NR3C2: variants seen among roughly 807,000 people sequenced by gnomAD.
NR3C2 encodes mineralocorticoid receptor.
NR3C2 carries 15 observed loss-of-function variants against 86.4 expected under a neutral mutation model. The observed-to-expected ratio is 0.17, with a 90% CI of 0.12 to 0.27. NR3C2 has a LOEUF of 0.27. NR3C2 is among the 10% of genes least tolerant of loss of function. NR3C2 has a pLI of 1.00. For missense variants in NR3C2, 960 were observed against 1,195.6 expected (o/e 0.80, Z 2.91); for synonymous variants, 458 against 450.5 (o/e 1.02, Z -0.21).
chr4:148,091,246 CGAG>C (rs1011108907), intron 8 of NR3C2, among the ~76,000 whole-genome samples: 2 of 152,206 alleles, frequency 1.3e-5, no homozygotes, highest in Non-Finnish European at 2.9e-5. Context: ...AGTCACTGGG[CGAG>C]GAGAACATGA....
intron 2 of NR3C2, among the ~76,000 whole-genome samples, chr4:148,367,980 C>G (rs1746234746): frequency 6.6e-6 from 1 of 152,016 alleles, no homozygotes. Context: ...TGCTGTATTT[C>G]CTCTACAACC....
chr4:148,104,344 T>TTGGG (rs1419893962), intron 8 of NR3C2, among the ~76,000 whole-genome samples: 1 of 128,312 alleles, frequency 7.8e-6, no homozygotes, highest in African/African-American at 4.0e-5. Flanking sequence ...TTGGTTTGGT[T>TTGGG]TTTTTTTTTT....
intron 2 of NR3C2, among the ~76,000 whole-genome samples, chr4:148,300,820 C>A (rs1240897618): frequency 6.6e-6 from 1 of 152,178 alleles, no homozygotes; most frequent in Non-Finnish European, 1.5e-5. Flanking sequence ...AATCCACCCA[C>A]CTTGGCCTCC....
At position 148,081,264 on chromosome 4, in the gene NR3C2, A is replaced by G. The variant is rs992285618; in HGVS notation, c.*80T>C. 1.3e-5 allele frequency: 21 copies of G among 1,574,544 alleles called. No individual in the cohort carries two copies. The African/African-American group carries it at 2.2e-4, about 16-fold the overall frequency. On this transcript the variant is annotated 3_prime_UTR_variant, in exon 9 of 9. Transcript: ENST00000358102. Reference sequence around the variant, plus strand: ...AGTGTGAATCAACCATCACATGTTAAAAACAGGTTTTCTTGGGTCCTTCTG... The same window carrying G: ...AGTGTGAATCAACCATCACATGTTAGAAACAGGTTTTCTTGGGTCCTTCTG...
At chr4:148,089,476 T>TA (rs1415737225) in intron 8 of NR3C2, among the ~76,000 whole-genome samples, 1 of 152,226 alleles carries the variant, frequency 6.6e-6, no homozygotes, top group African/African-American at 2.4e-5. Flanking sequence ...AGCAAGTTAT[T>TA]AAAGATGGGG....
At chr4:148,430,677 C>T (rs753479611) in intron 2 of NR3C2, among the ~76,000 whole-genome samples, 1 of 151,888 alleles carries the variant, frequency 6.6e-6, no homozygotes, top group African/African-American at 2.4e-5. Context: ...CCAATACACT[C>T]TCTCTCTCTC....
intron 3 of NR3C2, among the ~76,000 whole-genome samples, chr4:148,195,435 A>G (rs1178118441): frequency 6.6e-6 from 1 of 152,274 alleles, no homozygotes; most frequent in Non-Finnish European, 1.5e-5. Flanking sequence ...GTATTTATTC[A>G]AAAATATTTA....
intron 8 of NR3C2, among the ~76,000 whole-genome samples, chr4:148,113,313 A>C (rs1732126928): frequency 6.6e-6 from 1 of 152,204 alleles, no homozygotes; most frequent in Non-Finnish European, 1.5e-5. Flanking sequence ...ATGTTTTTGA[A>C]AGATTGGGTT....
intron 4 of NR3C2, among the ~76,000 whole-genome samples, chr4:148,181,909 A>T (rs953447700): frequency 6.6e-6 from 1 of 152,202 alleles, no homozygotes; most frequent in Non-Finnish European, 1.5e-5. Flanking sequence ...TTTCTGAGAG[A>T]TACAAATCTA....
At chr4:148,397,097 T>C (rs896205999) in intron 2 of NR3C2, among the ~76,000 whole-genome samples, 1 of 152,246 alleles carries the variant, frequency 6.6e-6, no homozygotes, top group Non-Finnish European at 1.5e-5. Context: ...CCATGGATTA[T>C]ATACAACAGC....
intron 8 of NR3C2, among the ~76,000 whole-genome samples, chr4:148,104,342 G>GGTTTGGTTTTTTTTTTTTTTTTTT (rs1731686588): frequency 6.3e-5 from 4 of 63,794 alleles, no homozygotes; most frequent in African/African-American, 1.1e-4. Context: ...TTTTGGTTTG[G>GGTTTGGTTTTTTTTTTTTTTTTTT]TTTTTTTTTT....
intron 3 of NR3C2, among the ~76,000 whole-genome samples, chr4:148,256,548 G>A (rs1386617118): frequency 1.3e-5 from 2 of 152,124 alleles, no homozygotes; most frequent in Admixed American, 1.3e-4. Context: ...AAGAAACTGA[G>A]GCCCAGAGAA....
At chr4:148,318,704 C>A (rs1743366773) in intron 2 of NR3C2, among the ~76,000 whole-genome samples, 2 of 150,912 alleles carry the variant, frequency 1.3e-5, no homozygotes, top group Admixed American at 1.3e-4. Flanking sequence ...ATGTCCTTCG[C>A]CCACTTTTTG....
intron 5 of NR3C2, among the ~76,000 whole-genome samples, chr4:148,153,008 T>C (rs1734173519): frequency 6.6e-6 from 1 of 152,192 alleles, no homozygotes; most frequent in South Asian, 2.1e-4. Context: ...CCTGTGTATC[T>C]GCAATAATGG....
intron 8 of NR3C2, among the ~76,000 whole-genome samples, chr4:148,102,585 T>C (rs1021274362): frequency 4.6e-5 from 7 of 152,084 alleles, no homozygotes; most frequent in African/African-American, 1.7e-4. Context: ...CCAGGAGTCA[T>C]CATTCCACCA....
At chr4:148,415,317 G>T (rs556477294) in intron 2 of NR3C2, among the ~76,000 whole-genome samples, 1 of 152,228 alleles carries the variant, frequency 6.6e-6, no homozygotes, top group East Asian at 1.9e-4. Flanking sequence ...ATATAGAGGA[G>T]AAATAAATGT....
At chr4:148,444,673 G>A (rs1029943607), upstream of NR3C2, 4 of 985,424 alleles carry the variant, frequency 4.1e-6, no homozygotes, top group African/African-American at 1.7e-5. Context: ...AGTGGCAGTC[G>A]CCCTGCTGAC....
intron 3 of NR3C2, among the ~76,000 whole-genome samples, chr4:148,241,986 A>G (rs865956936): frequency 2.6e-5 from 4 of 152,234 alleles, no homozygotes; most frequent in East Asian, 1.9e-4. Flanking sequence ...TTAGGTACCT[A>G]GAGAAGTCAA....
At chr4:148,274,698 GT>G (rs1350007537) in intron 2 of NR3C2, among the ~76,000 whole-genome samples, 2 of 135,108 alleles carry the variant, frequency 1.5e-5, no homozygotes, top group African/African-American at 6.1e-5. Flanking sequence ...GTCTCAGGTA[GT>G]TTTTTCTTTT....
Sources: gnomAD v4.1 joint callset for allele counts (sites outside exome capture counted in the v4.1 genomes callset) on GRCh38, gnomAD v4.1.1 for gene constraint, MANE v1.5 for transcripts, NCBI Gene and HGNC (gene_info 2026-07-23, HGNC 2026-07-21) for gene names.